The following NEK10 variants were observed in gnomAD, a reference collection of about 807,000 sequenced individuals.
NEK10 encodes the protein serine/threonine-protein kinase Nek10.
A neutral mutation model predicts 159.8 loss-of-function variants in NEK10; 122 were observed. The ratio of observed to expected loss-of-function variants is 0.76; its 90% confidence interval spans 0.66 to 0.89. The LOEUF is 0.89. Among genes scored for constraint, NEK10 ranks in the 40% least tolerant of loss-of-function variants. The pLI is 0.00. For synonymous variants in NEK10, 466 were observed against 457.1 expected (o/e 1.02, Z -0.25); for missense variants, 1,342 against 1,323.1 (o/e 1.01, Z -0.22).
chr3:27,331,104 G>T (rs1180853089), intron 5 of NEK10, among the ~76,000 whole-genome samples: 1 of 151,840 alleles, frequency 6.6e-6, no homozygotes, highest in Non-Finnish European at 1.5e-5. Context: ...AATCGTGGTG[G>T]CAGGCACCTG....
rs1939399289 is a variant in NEK10 at position 27,110,489 on chromosome 3, A to C, written c.*783T>G. 1 of 152,228 alleles carries C rather than the reference A, an allele frequency of 6.6e-6. No homozygotes were observed. The highest frequency in any genetic ancestry group is 2.1e-4 in the South Asian group (1 of 4,832). 9.4% of individuals were successfully genotyped at this position (152,228 alleles called of 1,614,324 possible). ...ATAAACTCTTCAAAGTGCTCTAAAA[A>C]TACTATAAGTTTGATTAGCAGCAAA... On this transcript the variant is annotated 3_prime_UTR_variant, in exon 36 of 36. Transcript: ENST00000691995.
intron 19 of NEK10, among the ~76,000 whole-genome samples, chr3:27,289,139 A>T (rs899873130): frequency 1.7e-4 from 26 of 152,336 alleles, no homozygotes; most frequent in African/African-American, 6.3e-4. Context: ...CTAGAAGGTA[A>T]CAGCACAAGA....
chr3:27,163,505 C>T lies in NEK10; in HGVS notation c.2832-767G>A, dbSNP rs181892776. Among the ~76,000 whole-genome samples the T allele has an allele frequency of 1.7e-4, 26 of 152,240 alleles. No individual in the cohort carries two copies. In the East Asian group the frequency reaches 5.0e-3, roughly 29 times the overall value. On this transcript the variant is annotated intron_variant, in intron 29 of 35. Coordinates refer to ENST00000691995, the MANE Select transcript of NEK10 (RefSeq NM_001394966.1). Reference sequence around the variant, plus strand: ...TAGCTGGGACTACAGGTGCCCGCCACCACGCCCAGCTAATTTTCTTGTATT... The same window carrying T: ...TAGCTGGGACTACAGGTGCCCGCCATCACGCCCAGCTAATTTTCTTGTATT...
intron 26 of NEK10, among the ~76,000 whole-genome samples, chr3:27,182,077 A>G (rs1054362450): frequency 6.6e-6 from 1 of 152,182 alleles, no homozygotes. Flanking sequence ...TACAATATCA[A>G]AAGATACAGA....
chr3:27,295,813 T>C (rs2043315070), intron 14 of NEK10, 123 bp from the exon 15 acceptor site: 2 of 1,277,674 alleles, frequency 1.6e-6, no homozygotes, highest in South Asian at 1.9e-5. Flanking sequence ...ACTATGGACC[T>C]TGAAGTAAAC....
chr3:27,338,390 T>C (rs967570088), intron 5 of NEK10, among the ~76,000 whole-genome samples: 1 of 152,212 alleles, frequency 6.6e-6, no homozygotes, highest in Non-Finnish European at 1.5e-5. Context: ...AGTGCCGCAA[T>C]AAACATACCT....
At chr3:27,146,235 C>T (rs577673840) in intron 30 of NEK10, among the ~76,000 whole-genome samples, 1 of 152,262 alleles carries the variant, frequency 6.6e-6, no homozygotes, top group South Asian at 2.1e-4. Flanking sequence ...TGACACTTGA[C>T]ACTTGACACA....
intron 4 of NEK10, 139 bp from the exon 5 acceptor site, chr3:27,344,509 T>C: frequency 2.2e-6 from 1 of 465,098 alleles, no homozygotes. Flanking sequence ...TTCAGGCAAA[T>C]ATTGAAGGAG....
chr3:27,157,133 G>A (rs902675592), intron 30 of NEK10, among the ~76,000 whole-genome samples: 2 of 151,384 alleles, frequency 1.3e-5, no homozygotes, highest in Non-Finnish European at 2.9e-5. Context: ...TAAGCTATAA[G>A]GATGCAAAGG....
At chr3:27,196,654 G>A (rs1321751757) in intron 25 of NEK10, among the ~76,000 whole-genome samples, 1 of 152,206 alleles carries the variant, frequency 6.6e-6, no homozygotes, top group African/African-American at 2.4e-5. Context: ...ATTAGTTTCA[G>A]AAGAGATTTA....
chr3:27,334,924 T>C (rs1268452624), intron 5 of NEK10, among the ~76,000 whole-genome samples: 2 of 151,988 alleles, frequency 1.3e-5, no homozygotes, highest in African/African-American at 2.4e-5. Context: ...GGAAAAAGAA[T>C]TCAAATTGTT....
chr3:27,186,994 G>T (rs1948681631), intron 26 of NEK10, among the ~76,000 whole-genome samples: 1 of 152,100 alleles, frequency 6.6e-6, no homozygotes, highest in Non-Finnish European at 1.5e-5. Flanking sequence ...CTTAAACTAA[G>T]AATGCCAAGA....
intron 23 of NEK10, among the ~76,000 whole-genome samples, chr3:27,249,563 T>C (rs953931609): frequency 6.6e-6 from 1 of 152,190 alleles, no homozygotes; most frequent in Admixed American, 6.5e-5. Context: ...TTGGCTTCCA[T>C]TGGCATGGAA....
intron 1 of NEK10, among the ~76,000 whole-genome samples, chr3:27,356,099 C>A (rs933845499): frequency 6.6e-6 from 1 of 152,116 alleles, no homozygotes; most frequent in Non-Finnish European, 1.5e-5. Flanking sequence ...AAGTGTGACT[C>A]CCAGAGAAAA....
At position 27,109,271 on chromosome 3, in the gene NEK10, C is replaced by T. The variant is rs748063371; in HGVS notation, c.*2001G>A. On this transcript the variant is annotated 3_prime_UTR_variant, in exon 36 of 36. Transcript: ENST00000691995. ...GCACATGCCTGTAATCCCAGTTACT[C>T]GGGAGGCTGAGGCAGGAGAATTGCT... 6.6e-5 allele frequency among the ~76,000 whole-genome samples: 10 copies of T among 150,554 alleles called. No individual in the cohort carries two copies. The highest frequency in any genetic ancestry group is 1.7e-4 in the African/African-American group (7 of 41,056).
intron 32 of NEK10, 90 bp downstream of exon 32, chr3:27,131,790 G>A (rs1337981609): frequency 5.0e-6 from 3 of 602,206 alleles, no homozygotes; most frequent in African/African-American, 3.8e-5. Flanking sequence ...AGAGGATAGA[G>A]CTTAAAGTAC....
chr3:27,258,717 T>G (rs1410098186), intron 22 of NEK10, among the ~76,000 whole-genome samples: 1 of 152,106 alleles, frequency 6.6e-6, no homozygotes, highest in Non-Finnish European at 1.5e-5. Context: ...GATTTATAAT[T>G]CTTTGGGTAC....
At position 27,291,485 on chromosome 3, in the gene NEK10, A is replaced by T. The variant is rs1223243316; in HGVS notation, c.1475T>A (p.Val492Glu). 1.9e-6 allele frequency: 3 copies of T among 1,604,820 alleles called. No homozygotes were observed. Among genetic ancestry groups the T allele is most frequent in the Non-Finnish European group, 2.6e-6 (3 of 1,171,626 alleles). The change falls in exon 17 of 36, where the codon GTG becomes GAG. Residue 492 changes from valine (V) to glutamate (E), a missense_variant and splice_region_variant. By Grantham distance (121) the Val-to-Glu change is moderately radical. Coordinates refer to ENST00000691995, the MANE Select transcript of NEK10 (RefSeq NM_001394966.1). ...AAATATTGAAAACTCAGGACTTACC[A>T]CTAATAAATTCAGCTTGGATACCAA... ...EELVSKLNLL[V>E]EDELKQIAEN...
At chr3:27,212,363 AC>A (rs34740707) in intron 23 of NEK10, among the ~76,000 whole-genome samples, 35,801 of 152,018 alleles carry the variant, frequency 0.24, 4,481 homozygotes, top group Middle Eastern at 0.37. Context: ...TGCTGCACAA[AC>A]TAGATCCTAA....
Sources: gnomAD v4.1 joint callset for allele counts (sites outside exome capture counted in the v4.1 genomes callset) on GRCh38, gnomAD v4.1.1 for gene constraint, MANE v1.5 for transcripts, NCBI Gene and HGNC (gene_info 2026-07-23, HGNC 2026-07-21) for gene names.